Variants in SLIT3 observed in about 807,000 individuals in gnomAD.
The protein encoded by SLIT3 is slit guidance ligand 3.
A neutral mutation model predicts 184.0 loss-of-function variants in SLIT3; 68 were observed. The ratio of observed to expected loss-of-function variants is 0.37; its 90% CI spans 0.30 to 0.45. The LOEUF (loss-of-function observed/expected upper bound fraction) is 0.45. Ranked by LOEUF, SLIT3 falls within the 20% of genes least tolerant of loss-of-function variation. The pLI is 1.00. For missense variants in SLIT3, 1,707 were observed against 2,026.0 expected (o/e 0.84, Z 3.02); for synonymous variants, 831 against 828.6 (o/e 1.00, Z -0.05).
At position 168,697,692 on chromosome 5, in the gene SLIT3, A is replaced by T. The variant is rs1028302878; in HGVS notation, c.2943-1261T>A. On this transcript the variant is annotated intron_variant, in intron 27 of 35. Transcript: ENST00000519560. ...TCTCCTTTCTACAACTGAAAACCATATCACATTTTCTACAAAAGGCCAGGG... is the reference window on the plus strand; with the variant it reads ...TCTCCTTTCTACAACTGAAAACCATTTCACATTTTCTACAAAAGGCCAGGG... Among the ~76,000 whole-genome samples the T allele has an allele frequency of 2.6e-5, 4 of 152,174 alleles. No homozygotes were observed. The East Asian group carries it at 7.7e-4, about 29-fold the overall frequency.
intron 34 of SLIT3, among the ~76,000 whole-genome samples, chr5:168,670,722 T>G (rs1191831933): frequency 2.0e-5 from 3 of 152,148 alleles, no homozygotes; most frequent in Non-Finnish European, 4.4e-5. Context: ...CTGATTCAGG[T>G]TTCTTAACAC....
intron 4 of SLIT3, among the ~76,000 whole-genome samples, chr5:168,966,936 T>A (rs1763215298): frequency 6.6e-6 from 1 of 152,160 alleles, no homozygotes; most frequent in Non-Finnish European, 1.5e-5. Flanking sequence ...TGCACATAAC[T>A]TTTTATTTAA....
intron 9 of SLIT3, among the ~76,000 whole-genome samples, chr5:168,804,433 G>C (rs1404243288): frequency 6.6e-6 from 1 of 151,308 alleles, no homozygotes; most frequent in Non-Finnish European, 1.5e-5. Flanking sequence ...AAATTAGATA[G>C]TATGTTGGAA....
intron 3 of SLIT3, among the ~76,000 whole-genome samples, chr5:169,244,236 C>T (rs1451290245): frequency 6.6e-6 from 1 of 152,246 alleles, no homozygotes; most frequent in Non-Finnish European, 1.5e-5. Context: ...AGGCTGCGCC[C>T]ACTCACCAGT....
rs60303892 is a variant in SLIT3, at chr5:168,828,671, G to T, written c.558-5340C>A. On this transcript the variant is annotated intron_variant, in intron 6 of 35. Transcript: ENST00000519560. ...GAGATCCTGACTCAAAAAAAAAAAA[G>T]AAAAAAGAAAAAAAAATGTGGTCTC... is the stretch of plus-strand genomic sequence containing the variant. Among the ~76,000 whole-genome samples, 37 of 76,318 alleles carry T rather than the reference G, an allele frequency of 4.8e-4. 1 individual carries two copies. The highest frequency in any genetic ancestry group is 3.1e-3 in the Admixed American group (25 of 8,152). The allele number at this position is 76,318 out of a possible 152,430, so 50.1% of individuals were successfully genotyped here. A position where few individuals can be genotyped will look rare whatever the true frequency, so the allele number is the denominator to read the frequency against.
At chr5:169,025,778 CA>C (rs922266317) in intron 4 of SLIT3, among the ~76,000 whole-genome samples, 3 of 151,852 alleles carry the variant, frequency 2.0e-5, no homozygotes, top group South Asian at 2.1e-4. Flanking sequence ...GATAGTTCAT[CA>C]AAAAAAAGTC....
intron 12 of SLIT3, among the ~76,000 whole-genome samples, chr5:168,782,693 T>C (rs1756016889): frequency 6.6e-6 from 1 of 152,188 alleles, no homozygotes; most frequent in South Asian, 2.1e-4. Flanking sequence ...CACCTTGGGT[T>C]CTGAGATGCC....
chr5:168,911,256 C>T (rs1163813838), intron 4 of SLIT3, among the ~76,000 whole-genome samples: 6 of 152,154 alleles, frequency 3.9e-5, no homozygotes, highest in Admixed American at 2.6e-4. Context: ...CCCGTGCACA[C>T]ATTTTGAATG....
intron 3 of SLIT3, among the ~76,000 whole-genome samples, chr5:169,204,859 G>T (rs180735632): frequency 1.3e-5 from 2 of 152,198 alleles, no homozygotes; most frequent in African/African-American, 4.8e-5. Flanking sequence ...GTTGCCGGGC[G>T]GCAGCCAATG....
intron 4 of SLIT3, among the ~76,000 whole-genome samples, chr5:168,913,965 C>A (rs1473431053): frequency 6.6e-6 from 1 of 152,116 alleles, no homozygotes; most frequent in East Asian, 1.9e-4. Flanking sequence ...TCTACATTTT[C>A]CTTTTCTCAC....
intron 10 of SLIT3, 41 bp downstream of exon 10, chr5:168,795,465 AT>A (rs1756532646): frequency 1.3e-6 from 2 of 1,498,404 alleles, no homozygotes; most frequent in Non-Finnish European, 1.9e-6. Context: ...AACCCTGGAA[AT>A]TGAAAACATT....
Position 168,671,378 on chromosome 5 carries a change from T to C in SLIT3, c.3947A>G (p.Gln1316Arg). Residue 1316 changes from glutamine to arginine, a missense_variant, in exon 34 of 36, where the codon CAG (glutamine) becomes CGG (arginine). Physicochemically the swap from Gln to Arg is conservative, Grantham distance 43. Coordinates refer to ENST00000519560, the MANE Select transcript of SLIT3 (RefSeq NM_003062.4). ...CTGTGGTGGGAGGGCCTTGAAGTCC[T>C]GCAGCTCGTTGTTGATGCGCACCTC... ...IHEVRINNELQDFKALPPQSL... is the reference protein window; with the variant it reads ...IHEVRINNELRDFKALPPQSL... 6.2e-7 allele frequency: 1 copy of C among 1,614,160 alleles called. No homozygotes were observed. Among genetic ancestry groups the C allele is most frequent in the Non-Finnish European group, 8.5e-7 (1 of 1,180,020 alleles).
chr5:168,724,149 A>C (rs999329986), intron 21 of SLIT3, among the ~76,000 whole-genome samples: 1 of 152,034 alleles, frequency 6.6e-6, no homozygotes, highest in Non-Finnish European at 1.5e-5. Flanking sequence ...TGGTTTCAGG[A>C]GTTTATAGGA....
intron 5 of SLIT3, among the ~76,000 whole-genome samples, chr5:168,882,307 G>A (rs1759983611): frequency 6.6e-6 from 1 of 152,178 alleles, no homozygotes; most frequent in Admixed American, 6.5e-5. Context: ...GACCCCGTGG[G>A]CACAAAGGTT....
chr5:168,977,096 G>A (rs566907644), intron 4 of SLIT3, among the ~76,000 whole-genome samples: 1 of 152,276 alleles, frequency 6.6e-6, no homozygotes, highest in Admixed American at 6.5e-5. Flanking sequence ...GACAAGTGAC[G>A]ATTAGAACCT....
rs563523047 is a variant in SLIT3 at position 168,772,858 on chromosome 5, C to T, written c.1382G>A (p.Gly461Glu). 1 of 1,614,124 alleles carries T rather than the reference C, an allele frequency of 6.2e-7. No individual in the cohort carries two copies. Among genetic ancestry groups the T allele is most frequent in the South Asian group, 1.1e-5 (1 of 91,068 alleles). The change falls in exon 14 of 36, where the codon GGG (glycine) becomes GAG (glutamate). Residue 461 changes from glycine (G) to glutamate (E), a missense_variant. Around this residue, in one of 3 missense-constraint regions of SLIT3, gnomAD observed 1,307 missense variants for 1,511.6 expected, o/e 0.86. Coordinates refer to ENST00000519560, the MANE Select transcript of SLIT3 (RefSeq NM_003062.4). ...TCGGCGCGGGCTGCTGCAGCGGGCC[C>T]CGCTTGTCTCGATGGGGTTGTCCTG... ...YLQDNPIETS[G>E]ARCSSPRRLA...
chr5:169,186,495 G>A (rs1490770117), intron 4 of SLIT3, among the ~76,000 whole-genome samples: 1 of 152,204 alleles, frequency 6.6e-6, no homozygotes, highest in Non-Finnish European at 1.5e-5. Context: ...TATTATAGGA[G>A]CTATGATTAG....
intron 12 of SLIT3, among the ~76,000 whole-genome samples, chr5:168,777,397 C>T (rs955266710): frequency 5.3e-5 from 8 of 152,198 alleles, no homozygotes; most frequent in African/African-American, 1.2e-4. Context: ...TAGACAAGGA[C>T]GATGGCCATG....
At chr5:169,030,325 A>G (rs931485433) in intron 4 of SLIT3, 1 of 152,170 alleles carries the variant, frequency 6.6e-6, no homozygotes, top group Non-Finnish European at 1.5e-5. Context: ...CCAAACTATC[A>G]TAATATCATT....
Sources: allele counts gnomAD v4.1 joint callset (sites outside exome capture counted in the v4.1 genomes callset), GRCh38; gene constraint gnomAD v4.1.1; regional missense constraint gnomAD v4.1.1; transcripts MANE v1.5; gene names NCBI Gene and HGNC (gene_info 2026-07-23, HGNC 2026-07-21).